SEL1L: variants seen among roughly 807,000 people sequenced by gnomAD.
SEL1L encodes the protein protein sel-1 homolog 1.
Under a neutral mutation model 109.8 loss-of-function variants are expected in SEL1L, and 52 were observed. The observed-to-expected ratio is 0.47, with a 90% CI of 0.38 to 0.60. The LOEUF is 0.60. SEL1L is among the 20% of genes least tolerant of loss of function. The probability of loss-of-function intolerance (pLI) is 0.00; values close to 1 mark genes in which losing one functional copy is unlikely to be tolerated. For missense variants in SEL1L, 749 were observed against 962.2 expected (o/e 0.78, Z 2.93); for synonymous variants, 373 against 339.6 (o/e 1.10, Z -1.08).
chr14:81,515,292 G>A (rs1018356189), intron 3 of SEL1L, among the ~76,000 whole-genome samples: 1 of 152,204 alleles, frequency 6.6e-6, no homozygotes, highest in Non-Finnish European at 1.5e-5. Context: ...AGATGATCCT[G>A]ATAGGTATAC....
intron 13 of SEL1L, among the ~76,000 whole-genome samples, chr14:81,489,629 T>A (rs1883465305): frequency 6.6e-6 from 1 of 152,222 alleles, no homozygotes; most frequent in South Asian, 2.1e-4. Flanking sequence ...TTCATCAAAA[T>A]GAAAGGCAGG....
intron 3 of SEL1L, among the ~76,000 whole-genome samples, chr14:81,510,514 C>CTATATATATATATA (rs1555346599): frequency 1.6e-3 from 162 of 104,066 alleles, no homozygotes; most frequent in Middle Eastern, 7.5e-3. Context: ...CTCTCTCTCT[C>CTATATATATATATA]TATATATATA....
intron 19 of SEL1L, among the ~76,000 whole-genome samples, chr14:81,483,249 CATT>C (rs987630015): frequency 6.6e-6 from 1 of 152,050 alleles, no homozygotes; most frequent in Admixed American, 6.5e-5. Context: ...ACAAATACTC[CATT>C]TATCTCATTA....
intron 11 of SEL1L, among the ~76,000 whole-genome samples, chr14:81,494,326 C>A (rs922325394): frequency 6.6e-5 from 10 of 152,204 alleles, no homozygotes; most frequent in African/African-American, 2.4e-4. Flanking sequence ...TACCGTAGTT[C>A]TAGTCCAAGC....
chr14:81,522,539 G>C (rs1327031746), intron 3 of SEL1L, among the ~76,000 whole-genome samples: 1 of 152,154 alleles, frequency 6.6e-6, no homozygotes, highest in Non-Finnish European at 1.5e-5. Flanking sequence ...AGTAGCAATA[G>C]GCTATAACAT....
At chr14:81,491,159 G>A (rs969294746) in intron 12 of SEL1L, among the ~76,000 whole-genome samples, 5 of 152,180 alleles carry the variant, frequency 3.3e-5, no homozygotes, top group Non-Finnish European at 5.9e-5. Flanking sequence ...AAGGAAAGGG[G>A]AAGCTGCTTG....
chr14:81,486,805 T>C (rs1048823359), intron 16 of SEL1L, among the ~76,000 whole-genome samples: 12 of 152,212 alleles, frequency 7.9e-5, no homozygotes, highest in Non-Finnish European at 7.4e-5. Flanking sequence ...AAAGCCCCAT[T>C]TGACAAGTGA....
chr14:81,509,694 T>C (rs1235244943), intron 3 of SEL1L, among the ~76,000 whole-genome samples: 1 of 152,142 alleles, frequency 6.6e-6, no homozygotes, highest in Non-Finnish European at 1.5e-5. Context: ...GATGGGTAAA[T>C]AGGCCCTTTC....
rs746586981 is a variant in SEL1L at position 81,484,328 on chromosome 14, T to G, written c.1943A>C (p.Glu648Ala). ...FYGFGTDVDYETAFIHYRLAS... is the reference protein window; with the variant it reads ...FYGFGTDVDYATAFIHYRLAS... Reference sequence around the variant, plus strand: ...CAGACGGTAATGAATAAATGCAGTTTCATAATCTACATCGGTGCCAAACCC... The same window carrying G: ...CAGACGGTAATGAATAAATGCAGTTGCATAATCTACATCGGTGCCAAACCC... Residue 648 changes from glutamate (E) to alanine (A), a missense_variant, in exon 19 of 21, where the codon GAA (glutamate) becomes GCA (alanine). By Grantham distance (107) the Glu-to-Ala change is moderately radical. This residue lies in a region of SEL1L where 383 missense variants were observed against 562.5 expected (regional missense o/e 0.68). Transcript: ENST00000336735. The G allele has an allele frequency of 1.6e-5, 26 of 1,614,032 alleles. No homozygotes were observed. The highest frequency in any genetic ancestry group is 2.1e-5 in the Non-Finnish European group (25 of 1,180,016).
intron 18 of SEL1L, among the ~76,000 whole-genome samples, chr14:81,484,835 G>A (rs549794148): frequency 1.3e-5 from 2 of 152,208 alleles, no homozygotes; most frequent in East Asian, 3.9e-4. Context: ...TCTGAAATCT[G>A]AAACACTCTG....
intron 14 of SEL1L, 78 bp from the exon 15 acceptor site, chr14:81,488,020 A>G (rs1903572422): frequency 8.9e-7 from 1 of 1,122,502 alleles, no homozygotes; most frequent in African/African-American, 1.6e-5. Context: ...ATTTAAAAAA[A>G]TGAACAAAGC....
intron 3 of SEL1L, among the ~76,000 whole-genome samples, chr14:81,518,659 TAAA>T (rs35790401): frequency 1.2e-4 from 10 of 84,462 alleles, no homozygotes; most frequent in African/African-American, 8.8e-5. Flanking sequence ...AGACTTCGTC[TAAA>T]AAAAAAAAAA....
intron 8 of SEL1L, chr14:81,499,001 G>A: frequency 5.6e-6 from 3 of 539,734 alleles, no homozygotes; most frequent in Non-Finnish European, 7.1e-6. Context: ...GCTCTCTGGA[G>A]TCATTCTGCA....
At chr14:81,499,973 C>T (rs28455614) in intron 6 of SEL1L, among the ~76,000 whole-genome samples, 105,618 of 148,780 alleles carry the variant, frequency 0.71, 37,550 homozygotes, top group East Asian at 0.76. Flanking sequence ...TGGCACGATC[C>T]TGGCTCACTG....
In SEL1L at chr14:81,526,800, G is replaced by A. The variant is rs761865787; in HGVS notation, c.273C>T (p.Ile91=). ...SQEGESVTED[I]SFLESPNPEN... Reference sequence around the variant, plus strand: ...CTGGATTTGGAGACTCTAGAAAGCTGATATCTTCTGTGACACTTTCCCCCT... The same window carrying A: ...CTGGATTTGGAGACTCTAGAAAGCTAATATCTTCTGTGACACTTTCCCCCT... The change falls in exon 3 of 21, where the codon ATC becomes ATT. Residue 91 remains isoleucine (I), a synonymous_variant. Coordinates refer to ENST00000336735, the MANE Select transcript of SEL1L (RefSeq NM_005065.6). 8 of 1,608,012 alleles carry A rather than the reference G, an allele frequency of 5.0e-6. No homozygotes were observed. The Middle Eastern group carries it at 6.7e-4, about 134-fold the overall frequency.
chr14:81,486,385 C>T lies in SEL1L; in HGVS notation c.1702G>A (p.Asp568Asn). Residue 568 changes from aspartate to asparagine, a missense_variant, in exon 17 of 21, where the codon GAT becomes AAT. Asp to Asn is a conservative substitution (Grantham distance 23). This residue lies in a region of SEL1L where 383 missense variants were observed against 562.5 expected (regional missense o/e 0.68). Coordinates refer to ENST00000336735, the MANE Select transcript of SEL1L (RefSeq NM_005065.6). ...ATCACTGCAGCATTGTAATCGCCATCTTTATAGCTGTTATAGGCAGTCATA... is the reference window on the plus strand; with the variant it reads ...ATCACTGCAGCATTGTAATCGCCATTTTTATAGCTGTTATAGGCAGTCATA... ...RLMTAYNSYK[D>N]GDYNAAVIQY... 1 of 1,614,138 alleles carries T rather than the reference C, an allele frequency of 6.2e-7. No homozygotes were observed. Among genetic ancestry groups the T allele is most frequent in the Admixed American group, 1.7e-5 (1 of 60,010 alleles).
chr14:81,475,596 A>G lies in SEL1L; in HGVS notation c.*1376T>C, dbSNP rs1329587721. 2 of 152,256 alleles carry G rather than the reference A, an allele frequency of 1.3e-5. No individual in the cohort carries two copies. The highest frequency in any genetic ancestry group is 3.8e-4 in the East Asian group (2 of 5,206). The allele number at this position is 152,256 out of a possible 1,614,324, so 9.4% of individuals were successfully genotyped here. The stretch of plus-strand genomic sequence containing the variant: ...AGAAAACCTGCTCAGATACGAATGC[A>G]GTCTCAGACAAGATACAGGCTGGTG... On this transcript the variant is annotated 3_prime_UTR_variant, in exon 21 of 21. Transcript: ENST00000336735.
intron 1 of SEL1L, among the ~76,000 whole-genome samples, chr14:81,531,246 G>A (rs1885311178): frequency 1.3e-5 from 2 of 152,120 alleles, no homozygotes; most frequent in Non-Finnish European, 2.9e-5. Context: ...GGGGTTCATT[G>A]TTGACCAAAA....
At chr14:81,503,041 G>A (rs1389965008) in intron 5 of SEL1L, among the ~76,000 whole-genome samples, 158 bp from the exon 6 acceptor site, 1 of 152,220 alleles carries the variant, frequency 6.6e-6, no homozygotes, top group Non-Finnish European at 1.5e-5. Context: ...TGTCCCGGCT[G>A]GAGTGCAATG....
Sources: gnomAD v4.1 joint callset for allele counts (sites outside exome capture counted in the v4.1 genomes callset) on GRCh38, gnomAD v4.1.1 for gene constraint, gnomAD v4.1.1 regional missense constraint, MANE v1.5 for transcripts, NCBI Gene and HGNC (gene_info 2026-07-23, HGNC 2026-07-21) for gene names.